Variants in NCALD observed in about 807,000 individuals in gnomAD.
NCALD encodes the protein neurocalcin delta, also known as neurocalcin-delta.
A neutral mutation model predicts 18.6 loss-of-function variants in NCALD; 10 were observed. That is an observed-to-expected ratio of 0.54 (90% CI 0.33 to 0.91). NCALD has a LOEUF of 0.91. Among genes scored for constraint, NCALD ranks in the 40% least tolerant of loss-of-function variants. NCALD has a pLI of 0.03. For missense variants in NCALD, 184 were observed against 247.6 expected, an observed-to-expected ratio of 0.74 and a Z score of 1.72; for synonymous variants, 88 against 87.4, an observed-to-expected ratio of 1.01 and a Z score of -0.04.
chr8:101,859,856 G>A (rs1328180304), intron 4 of NCALD, among the ~76,000 whole-genome samples: 3 of 152,136 alleles, frequency 2.0e-5, no homozygotes, highest in African/African-American at 7.2e-5. Flanking sequence ...AAGGGTATGA[G>A]TTTCCAGACT....
At chr8:101,924,981 G>C (rs1455363834) in intron 2 of NCALD, among the ~76,000 whole-genome samples, 1 of 152,074 alleles carries the variant, frequency 6.6e-6, no homozygotes, top group African/African-American at 2.4e-5. Context: ...TGTTGATTCT[G>C]TGACTTCAGT....
At position 101,688,106 on chromosome 8, in the gene NCALD, G is replaced by A. The variant is rs1199067141; in HGVS notation, c.*1203C>T. ...GGGAAGTTCCAAGAATGTATGTGAT[G>A]TTTTTTCGAGTCTGCAGAGTATTGA... On this transcript the variant is annotated 3_prime_UTR_variant, in exon 4 of 4. Coordinates refer to ENST00000220931, the MANE Select transcript of NCALD (RefSeq NM_032041.3). 2 of 152,564 alleles carry A rather than the reference G, an allele frequency of 1.3e-5. No homozygotes were observed. The highest frequency in any genetic ancestry group is 6.5e-5 in the Admixed American group (1 of 15,330). 9.5% of individuals were successfully genotyped at this position (152,564 alleles called of 1,614,324 possible).
Position 101,689,037 on chromosome 8 carries a change from TA to T in NCALD, c.*271del, listed in dbSNP as rs572261485. 1.3e-4 allele frequency: 91 copies of T among 692,216 alleles called. No homozygotes were observed. Among genetic ancestry groups the T allele is most frequent in the East Asian group, 9.2e-4 (34 of 36,954 alleles). The allele number at this position is 692,216 out of a possible 1,614,324, so 42.9% of individuals were successfully genotyped here. A position where few individuals can be genotyped will look rare whatever the true frequency, so the allele number is the denominator to read the frequency against. On this transcript the variant is annotated 3_prime_UTR_variant, in exon 4 of 4. Transcript: ENST00000220931. The surrounding 1 kb of genome is among the most constrained non-coding windows in gnomAD (Gnocchi z 4.4). ...ACGTTTTAGAACAGAGACATTAGAA[TA>T]AAAAAAAATAATAGTAACGATTAAA...
At chr8:101,846,627 G>C (rs1163445330) in intron 4 of NCALD, among the ~76,000 whole-genome samples, 1 of 152,092 alleles carries the variant, frequency 6.6e-6, no homozygotes, top group African/African-American at 2.4e-5. Context: ...AGACCACTCT[G>C]GTGATGTCGA....
chr8:102,008,916 C>CCACACACACACACA (rs1821804749), intron 2 of NCALD, among the ~76,000 whole-genome samples: 1 of 21,182 alleles, frequency 4.7e-5, no homozygotes, highest in African/African-American at 2.5e-4. Context: ...CCCCGCCCCC[C>CCACACACACACACA]TACACACACA....
intron 1 of NCALD, among the ~76,000 whole-genome samples, chr8:101,755,967 A>G (rs1230380920): frequency 2.0e-5 from 3 of 152,184 alleles, no homozygotes; most frequent in African/African-American, 7.2e-5. Context: ...TTCTGGAATC[A>G]TGACTGATGT....
chr8:102,097,459 C>A (rs904532816), intron 1 of NCALD, among the ~76,000 whole-genome samples: 1 of 152,148 alleles, frequency 6.6e-6, no homozygotes, highest in African/African-American at 2.4e-5. Context: ...TTATTACTTG[C>A]TTTTGGCTTT....
intron 1 of NCALD, among the ~76,000 whole-genome samples, chr8:102,022,119 G>T (rs1466708651): frequency 6.6e-6 from 1 of 152,156 alleles, no homozygotes; most frequent in Non-Finnish European, 1.5e-5. Context: ...TGATGCAGGT[G>T]CCTCCCATTG....
At chr8:102,005,269 T>C (rs952090797) in intron 2 of NCALD, among the ~76,000 whole-genome samples, 9 of 152,048 alleles carry the variant, frequency 5.9e-5, no homozygotes, top group African/African-American at 1.9e-4. Context: ...AAAAGACACA[T>C]GAAAAAATGC....
At chr8:102,113,592 G>T (rs1223322484) in intron 1 of NCALD, among the ~76,000 whole-genome samples, 1 of 152,190 alleles carries the variant, frequency 6.6e-6, no homozygotes, top group East Asian at 1.9e-4. Flanking sequence ...TTTGAAAACT[G>T]CCTTAAGTCC....
At chr8:101,997,394 C>A (rs763013983) in intron 2 of NCALD, among the ~76,000 whole-genome samples, 1 of 151,148 alleles carries the variant, frequency 6.6e-6, no homozygotes, top group Non-Finnish European at 1.5e-5. Context: ...TTTCCTGGAA[C>A]CTTTTAGATG....
At chr8:102,003,473 C>A (rs1821562670) in intron 2 of NCALD, among the ~76,000 whole-genome samples, 1 of 152,204 alleles carries the variant, frequency 6.6e-6, no homozygotes. Flanking sequence ...AGGTACCATT[C>A]CTTCTGAAAC....
intron 4 of NCALD, among the ~76,000 whole-genome samples, chr8:101,870,262 G>T (rs757015260): frequency 1.3e-5 from 2 of 152,000 alleles, no homozygotes; most frequent in Non-Finnish European, 1.5e-5. Flanking sequence ...CCTTACTAAA[G>T]AGCAGTGTTA....
At chr8:101,947,375 G>A (rs915958644) in intron 2 of NCALD, among the ~76,000 whole-genome samples, 2 of 152,142 alleles carry the variant, frequency 1.3e-5, no homozygotes, top group African/African-American at 2.4e-5. Context: ...TCATGACAAT[G>A]TTCCCACCCA....
chr8:101,694,105 GT>G (rs1399389558), intron 2 of NCALD: 1 of 152,170 alleles, frequency 6.6e-6, no homozygotes, highest in Non-Finnish European at 1.5e-5. Context: ...AAAAGTCATT[GT>G]TTTTATCCCC....
At chr8:102,026,441 C>T (rs893702847) in intron 1 of NCALD, among the ~76,000 whole-genome samples, 2 of 152,314 alleles carry the variant, frequency 1.3e-5, no homozygotes, top group Middle Eastern at 3.4e-3. Flanking sequence ...AGGCCCCATG[C>T]AAGTCTGAAA....
In NCALD at chr8:101,996,407, G is replaced by A. The variant is rs376650984; in HGVS notation, c.-157+23830C>T. ...CTACAGGAAATTATAAACTAACCAA[G>A]GACACAAGGTGAAGAAGCAAGTGGA... On this transcript the variant is annotated intron_variant, in intron 2 of 6. Coordinates refer to the NCALD transcript ENST00000311028. Among the ~76,000 whole-genome samples, 10 of 152,192 alleles carry A rather than the reference G, an allele frequency of 6.6e-5. No individual in the cohort carries two copies. In the East Asian group the frequency reaches 9.6e-4, roughly 15 times the overall value.
At chr8:102,122,865 A>G (rs1825982006) in intron 1 of NCALD, among the ~76,000 whole-genome samples, 1 of 152,246 alleles carries the variant, frequency 6.6e-6, no homozygotes, top group Non-Finnish European at 1.5e-5. Flanking sequence ...ACAGGACTGG[A>G]CACTGAATGG....
At chr8:101,974,873 C>T (rs1248255932) in intron 2 of NCALD, among the ~76,000 whole-genome samples, 1 of 152,168 alleles carries the variant, frequency 6.6e-6, no homozygotes, top group Non-Finnish European at 1.5e-5. Context: ...TAAGCCAGTA[C>T]TAATATTTTG....
Sources: gnomAD v4.1 joint callset for allele counts (sites outside exome capture counted in the v4.1 genomes callset) on GRCh38, gnomAD v4.1.1 for gene constraint, Gnocchi (gnomAD v3.1) non-coding constraint, MANE v1.5 for transcripts, NCBI Gene and HGNC (gene_info 2026-07-23, HGNC 2026-07-21) for gene names.